The following IL15RA variants were observed in gnomAD, a reference collection of about 807,000 sequenced individuals.
The protein encoded by IL15RA is interleukin-15 receptor subunit alpha.
Under a neutral mutation model 24.2 loss-of-function variants are expected in IL15RA, and 26 were observed. That is an observed-to-expected ratio of 1.07 (90% CI 0.79 to 1.49). IL15RA has a LOEUF of 1.49. IL15RA is among the 40% of genes most tolerant of loss of function. The probability of loss-of-function intolerance (pLI) is 0.00; values close to 1 mark genes in which losing one functional copy is unlikely to be tolerated. For synonymous variants in IL15RA, 166 were observed against 157.6 expected, an observed-to-expected ratio of 1.05 and a Z score of -0.40; for missense variants, 354 against 356.4, an observed-to-expected ratio of 0.99 and a Z score of 0.05.
chr10:5,965,414 G>A lies in IL15RA; in HGVS notation c.283+731C>T, dbSNP rs758167332. On this transcript the variant is annotated intron_variant, in intron 2 of 6. Transcript: ENST00000379977. This position sits in a 1 kb window ranked among gnomAD's most constrained non-coding sequence, Gnocchi z 5.8. ...AAATCCAAACATTTCTCACACTAGCGTGCTCATGAGTGCCCGCCCAGCTCT... is the reference window on the plus strand; with the variant it reads ...AAATCCAAACATTTCTCACACTAGCATGCTCATGAGTGCCCGCCCAGCTCT... Among the ~76,000 whole-genome samples, 15 of 152,336 alleles carry A rather than the reference G, an allele frequency of 9.8e-5. No individual in the cohort carries two copies. The highest frequency in any genetic ancestry group is 3.9e-4 in the Admixed American group (6 of 15,304).
rs1835800113 is a variant in IL15RA, at chr10:5,962,686, G to T, written c.382+1057C>A. Among the ~76,000 whole-genome samples, 2 of 151,914 alleles carry T rather than the reference G, an allele frequency of 1.3e-5. No individual in the cohort carries two copies. The highest frequency in any genetic ancestry group is 1.5e-5 in the Non-Finnish European group (1 of 67,978). ...TGGAGTGCCCAGGTGATGTCAGTGT[G>T]TACCCACGGCTGACAACTGACACTC... On this transcript the variant is annotated intron_variant, in intron 3 of 6. Transcript: ENST00000379977. This position sits in a 1 kb window ranked among gnomAD's most constrained non-coding sequence, Gnocchi z 5.2.
Position 5,953,194 on chromosome 10 carries a change from C to A in IL15RA, c.705G>T (p.Pro235=). Residue 235 remains proline, a synonymous_variant, in exon 7 of 7, where the codon CCG becomes CCT. Transcript: ENST00000379977. The surrounding 1 kb of genome is among the most constrained non-coding windows in gnomAD (Gnocchi z 5.3). ...ACYLKSRQTP[P]LASVEMEAME... ...TGGCTTCCATTTCAACGCTGGCCAGCGGGGGAGTTTGCCTGCAAAGCAGGT... is the reference window on the plus strand; with the variant it reads ...TGGCTTCCATTTCAACGCTGGCCAGAGGGGGAGTTTGCCTGCAAAGCAGGT... 2 of 1,613,874 alleles carry A rather than the reference C, an allele frequency of 1.2e-6. No homozygotes were observed. Among genetic ancestry groups the A allele is most frequent in the South Asian group, 1.1e-5 (1 of 91,080 alleles).
At chr10:5,978,402 CT>C (rs1158791108), upstream of IL15RA, among the ~76,000 whole-genome samples, 1 of 152,106 alleles carries the variant, frequency 6.6e-6, no homozygotes, top group African/African-American at 2.4e-5. The surrounding 1 kb of genome is among the most constrained non-coding windows in gnomAD (Gnocchi z 5.2). Flanking sequence ...ATTCTCAGGT[CT>C]AGCGGTGACA....
rs761137779 is a variant in IL15RA, at chr10:5,968,978, G to A, written c.89-2639C>T. On this transcript the variant is annotated intron_variant, in intron 1 of 6. Coordinates refer to ENST00000379977, the MANE Select transcript of IL15RA (RefSeq NM_002189.4). This position sits in a 1 kb window ranked among gnomAD's most constrained non-coding sequence, Gnocchi z 5.4. ...TGTTCCCTGCCCATTTCCAGCAGCC[G>A]TGGACCTCCAGGGCTGTTTGTGTAG... The A allele has an allele frequency of 4.4e-5, 67 of 1,534,210 alleles. No individual in the cohort carries two copies. The highest frequency in any genetic ancestry group is 5.4e-5 in the Non-Finnish European group (62 of 1,145,904).
rs982579918 is a variant in IL15RA, at chr10:5,960,234, C to T, written c.583+133G>A. On this transcript the variant is annotated intron_variant, in intron 4 of 6. Transcript: ENST00000379977. This position sits in a 1 kb window ranked among gnomAD's most constrained non-coding sequence, Gnocchi z 5.1. ...AGGCCAGGACGCCGTGGCTGGTGGC[C>T]GGGGCCAGCAGGCTGCCCAGTGAAT... 98 of 850,862 alleles carry T rather than the reference C, an allele frequency of 1.2e-4. 2 individuals carry two copies. In the East Asian group the frequency reaches 1.6e-3, roughly 14 times the overall value. The allele number at this position is 850,862 out of a possible 1,614,324, so 52.7% of individuals were successfully genotyped here.
At position 5,967,838 on chromosome 10, in the gene IL15RA, C is replaced by T. The variant is rs535891899; in HGVS notation, c.89-1499G>A. Among the ~76,000 whole-genome samples the T allele has an allele frequency of 1.3e-5, 2 of 152,316 alleles. No homozygotes were observed. Among genetic ancestry groups the T allele is most frequent in the African/African-American group, 4.8e-5 (2 of 41,572 alleles). ...CTTTGGGAGGCTGAGGCAGGCGAAT[C>T]ACCTGAGGTCAGGAGTTCAGGACCA... On this transcript the variant is annotated intron_variant, in intron 1 of 6. Transcript: ENST00000379977. The surrounding 1 kb of genome is among the most constrained non-coding windows in gnomAD (Gnocchi z 4.4).
chr10:5,977,849 G>A (rs908529968), upstream of IL15RA: 2 of 386,426 alleles, frequency 5.2e-6, no homozygotes, highest in African/African-American at 2.1e-5. Flanking sequence ...CACTCGGTCC[G>A]GTGTCCCCAC....
rs1837994059 is a variant in IL15RA, at chr10:5,973,863, C to T, written c.88+3542G>A. On this transcript the variant is annotated intron_variant, in intron 1 of 6. Transcript: ENST00000379977. This position sits in a 1 kb window ranked among gnomAD's most constrained non-coding sequence, Gnocchi z 4.5. The stretch of plus-strand genomic sequence containing the variant: ...AAAAACTTCTGCTTTTCAAAAGACA[C>T]TGCTAAGAGAAAGGATAAGCCACAG... Among the ~76,000 whole-genome samples the T allele has an allele frequency of 6.6e-6, 1 of 152,150 alleles. No homozygotes were observed. Among genetic ancestry groups the T allele is most frequent in the South Asian group, 2.1e-4 (1 of 4,826 alleles).
intron 5 of IL15RA, among the ~76,000 whole-genome samples, chr10:5,957,590 CTTCT>C (rs1417044268): frequency 2.5e-5 from 3 of 117,768 alleles, no homozygotes; most frequent in East Asian, 2.3e-4. Context: ...TTCTTTTCTT[CTTCT>C]TTTTTTTTTT....
Position 5,975,097 on chromosome 10 carries a change from T to C in IL15RA, c.88+2308A>G, listed in dbSNP as rs1230121797. ...CCAACCATTCTCTACCCATGAGAAA[T>C]GAAAACATGTGTCCATACAGAAACC... On this transcript the variant is annotated intron_variant, in intron 1 of 6. Transcript: ENST00000379977. The surrounding 1 kb of genome is among the most constrained non-coding windows in gnomAD (Gnocchi z 4.8). 6.6e-6 allele frequency among the ~76,000 whole-genome samples: 1 copy of C among 151,510 alleles called. No homozygotes were observed. The highest frequency in any genetic ancestry group is 1.5e-5 in the Non-Finnish European group (1 of 67,906).
downstream of IL15RA, among the ~76,000 whole-genome samples, chr10:5,951,968 C>T (rs1366178633): frequency 6.6e-6 from 1 of 152,162 alleles, no homozygotes; most frequent in Non-Finnish European, 1.5e-5. Flanking sequence ...TGTCCCAGCT[C>T]CTGCTCTGAT....
rs573977680 is a variant in IL15RA at position 5,971,793 on chromosome 10, T to C, written c.89-5454A>G. 9.2e-4 allele frequency among the ~76,000 whole-genome samples: 140 copies of C among 152,324 alleles called. No individual in the cohort carries two copies. The highest frequency in any genetic ancestry group is 3.3e-3 in the African/African-American group (137 of 41,560). On this transcript the variant is annotated intron_variant, in intron 1 of 6. Coordinates refer to ENST00000379977, the MANE Select transcript of IL15RA (RefSeq NM_002189.4). The surrounding 1 kb of genome is among the most constrained non-coding windows in gnomAD (Gnocchi z 5.5). ...GAGTTCCCAAAAAGTACAGACTGTC[T>C]CCAGCTCACTGCCTGAAACTTGGCA...
Position 5,967,496 on chromosome 10 carries a change from C to T in IL15RA, c.89-1157G>A, listed in dbSNP as rs1371751146. Among the ~76,000 whole-genome samples the T allele has an allele frequency of 6.6e-6, 1 of 152,236 alleles. No homozygotes were observed. The highest frequency in any genetic ancestry group is 1.5e-5 in the Non-Finnish European group (1 of 68,036). The stretch of plus-strand genomic sequence containing the variant: ...GGGATTACAGGTGTGAGCCACCGCA[C>T]CCGGCCAAGATCAGATCATTCCTTT... On this transcript the variant is annotated intron_variant, in intron 1 of 6. Transcript: ENST00000379977. The surrounding 1 kb of genome is among the most constrained non-coding windows in gnomAD (Gnocchi z 4.4).
chr10:5,950,936 A>G (rs41294025), downstream of IL15RA: 9,457 of 151,938 alleles, frequency 0.062, 512 homozygotes, highest in African/African-American at 0.15. The surrounding 1 kb of genome is among the most constrained non-coding windows in gnomAD (Gnocchi z 5.6). Context: ...TCACAAGTTC[A>G]AGAGACCATC....
Position 5,968,690 on chromosome 10 carries a change from C to T in IL15RA, c.89-2351G>A. The T allele has an allele frequency of 1.5e-6, 1 of 688,540 alleles. No individual in the cohort carries two copies. 42.7% of individuals were successfully genotyped at this position (688,540 alleles called of 1,614,324 possible). A position where few individuals can be genotyped will look rare whatever the true frequency, so the allele number is the denominator to read the frequency against. On this transcript the variant is annotated intron_variant, in intron 1 of 6. Coordinates refer to ENST00000379977, the MANE Select transcript of IL15RA (RefSeq NM_002189.4). The surrounding 1 kb of genome is among the most constrained non-coding windows in gnomAD (Gnocchi z 5.4). ...GTTCTGCTCCACACTGATCTTCTGT[C>T]CTTCTCTACCTGCCTAAACCACAGA...
rs964184298 is a variant in IL15RA, at chr10:5,959,554, T to G, written c.616+200A>C. Among the ~76,000 whole-genome samples, 1 of 152,198 alleles carries G rather than the reference T, an allele frequency of 6.6e-6. No homozygotes were observed. The highest frequency in any genetic ancestry group is 6.5e-5 in the Admixed American group (1 of 15,278). On this transcript the variant is annotated intron_variant, in intron 5 of 6. Transcript: ENST00000379977. The surrounding 1 kb of genome is among the most constrained non-coding windows in gnomAD (Gnocchi z 4.1). Reference sequence around the variant, plus strand: ...GCCTGACAGCTAGAAGCTACCAATATTTAGAAAAATGGGCACATCAAACAG... The same window carrying G: ...GCCTGACAGCTAGAAGCTACCAATAGTTAGAAAAATGGGCACATCAAACAG...
intron 5 of IL15RA, among the ~76,000 whole-genome samples, chr10:5,957,894 T>A (rs770048100): frequency 2.6e-5 from 4 of 152,194 alleles, no homozygotes; most frequent in Non-Finnish European, 5.9e-5. Flanking sequence ...GCCCGGCTGA[T>A]TTTTTAATCT....
At chr10:5,956,921 C>T (rs1834608950) in intron 5 of IL15RA, among the ~76,000 whole-genome samples, 2 of 151,696 alleles carry the variant, frequency 1.3e-5, no homozygotes, top group Non-Finnish European at 2.9e-5. Flanking sequence ...CACACAGTGC[C>T]ATTTTCCTTC....
At position 5,957,807 on chromosome 10, in the gene IL15RA, G is replaced by T. The variant is rs187580603; in HGVS notation, c.617-1353C>A. Among the ~76,000 whole-genome samples the T allele has an allele frequency of 5.1e-3, 769 of 152,116 alleles. 8 individuals carry two copies. Among genetic ancestry groups the T allele is most frequent in the African/African-American group, 0.017 (698 of 41,472 alleles). ...GTGTTTTGCTATGTTGGCCAGGCTG[G>T]TCTCGAACTCCTGGCCTCAAGTGAT... On this transcript the variant is annotated intron_variant, in intron 5 of 6. Transcript: ENST00000379977.
Sources: allele counts gnomAD v4.1 joint callset (sites outside exome capture counted in the v4.1 genomes callset), GRCh38; gene constraint gnomAD v4.1.1; non-coding constraint Gnocchi (gnomAD v3.1); transcripts MANE v1.5; gene names NCBI Gene and HGNC (gene_info 2026-07-23, HGNC 2026-07-21).